ZNF695: variants seen among roughly 807,000 people sequenced by gnomAD.
ZNF695 encodes the protein zinc finger protein SBZF3.
A neutral mutation model predicts 11.2 loss-of-function variants in ZNF695; 11 were observed. The observed-to-expected ratio is 0.98, with a 90% CI of 0.62 to 1.62. The LOEUF (loss-of-function observed/expected upper bound fraction) is 1.62. Ranked by LOEUF, ZNF695 falls within the 40% of genes most tolerant of loss-of-function variation. The pLI is 0.00. For synonymous variants in ZNF695, 190 were observed against 201.4 expected, an observed-to-expected ratio of 0.94 and a Z score of 0.48; for missense variants, 559 against 590.5, an observed-to-expected ratio of 0.95 and a Z score of 0.55.
At chr1:246,969,652 AT>A (rs1474457797) in intron 4 of ZNF695, 11 of 151,958 alleles carry the variant, frequency 7.2e-5, no homozygotes, top group African/African-American at 2.7e-4. Flanking sequence ...TCACATTGTT[AT>A]AAAGAACTAC....
At chr1:246,988,379 C>T in intron 3 of ZNF695, 124 bp from the exon 4 acceptor site, 3 of 688,478 alleles carry the variant, frequency 4.4e-6, no homozygotes, top group Admixed American at 7.4e-5. Flanking sequence ...GCCCTTATTC[C>T]TTCATAGTCA....
chr1:247,000,432 G>C (rs1419319174), intron 1 of ZNF695, among the ~76,000 whole-genome samples: 1 of 151,736 alleles, frequency 6.6e-6, no homozygotes, highest in African/African-American at 2.4e-5. Context: ...TTGAAGCCAA[G>C]CTGCAGTGAG....
Position 246,986,807 on chromosome 1 carries a change from A to G in ZNF695, c.*160T>C, listed in dbSNP as rs1668862957. ...GAACCGGTCTATTTGTATTGTTCGTAGCCTAAACATTTTAGTGCACTCAAA... is the reference window on the plus strand; with the variant it reads ...GAACCGGTCTATTTGTATTGTTCGTGGCCTAAACATTTTAGTGCACTCAAA... On this transcript the variant is annotated 3_prime_UTR_variant, in exon 4 of 4. Coordinates refer to ENST00000339986, the MANE Select transcript of ZNF695 (RefSeq NM_020394.5). 7.1e-7 allele frequency: 1 copy of G among 1,402,570 alleles called. No individual in the cohort carries two copies. Among genetic ancestry groups the G allele is most frequent in the South Asian group, 1.8e-5 (1 of 55,722 alleles). 86.9% of individuals were successfully genotyped at this position (1,402,570 alleles called of 1,614,324 possible). A position where few individuals can be genotyped will look rare whatever the true frequency, so the allele number is the denominator to read the frequency against.
chr1:246,974,153 C>CAAACAAACAAAAAA (rs1432449588), intron 4 of ZNF695, among the ~76,000 whole-genome samples: 4 of 143,458 alleles, frequency 2.8e-5, no homozygotes, highest in Non-Finnish European at 6.0e-5. Flanking sequence ...AAAAAACAAA[C>CAAACAAACAAAAAA]AAACAAACAA....
intron 1 of ZNF695, among the ~76,000 whole-genome samples, chr1:247,005,815 T>A (rs898725228): frequency 2.0e-4 from 30 of 152,094 alleles, no homozygotes; most frequent in Admixed American, 2.0e-4. Context: ...ACAGAAAACA[T>A]CAAGGAAACT....
At chr1:247,007,321 C>G (rs1255661420) in intron 1 of ZNF695, among the ~76,000 whole-genome samples, 1 of 151,862 alleles carries the variant, frequency 6.6e-6, no homozygotes, top group Non-Finnish European at 1.5e-5. Context: ...ATGGTGAAAT[C>G]TCCGTTTCTA....
intron 4 of ZNF695, among the ~76,000 whole-genome samples, chr1:246,976,702 A>G (rs186948158): frequency 0.031 from 4,732 of 151,934 alleles, 240 homozygotes; most frequent in African/African-American, 0.1. Context: ...GCTGAGGCAG[A>G]AGAATGGCAT....
At chr1:246,966,882 G>A (rs1471498529) in intron 5 of ZNF695, 1 of 456,616 alleles carries the variant, frequency 2.2e-6, no homozygotes, top group Non-Finnish European at 4.4e-6. Context: ...GGAGTTATTG[G>A]AGGGTTTGAA....
chr1:246,977,556 G>T (rs905877628), intron 4 of ZNF695, among the ~76,000 whole-genome samples: 1 of 152,140 alleles, frequency 6.6e-6, no homozygotes, highest in Non-Finnish European at 1.5e-5. Context: ...CCGGCAAAAG[G>T]ATAAAGTTTT....
At chr1:247,004,677 A>G (rs1048103296) in intron 1 of ZNF695, among the ~76,000 whole-genome samples, 2 of 152,354 alleles carry the variant, frequency 1.3e-5, no homozygotes, top group South Asian at 4.1e-4. Flanking sequence ...TTCCACTTGA[A>G]AAAACCTAAA....
chr1:246,982,653 G>A (rs1000704799), downstream of ZNF695, among the ~76,000 whole-genome samples: 1 of 152,192 alleles, frequency 6.6e-6, no homozygotes, highest in African/African-American at 2.4e-5. Flanking sequence ...TCTGGCCCAT[G>A]GACAGTGCAT....
In ZNF695 at chr1:246,985,752, G is replaced by A. The variant is rs920421666; in HGVS notation, c.*1215C>T. 1 of 985,344 alleles carries A rather than the reference G, an allele frequency of 1.0e-6. No individual in the cohort carries two copies. The highest frequency in any genetic ancestry group is 1.2e-6 in the Non-Finnish European group (1 of 829,882). The allele number at this position is 985,344 out of a possible 1,614,324, so 61.0% of individuals were successfully genotyped here. On this transcript the variant is annotated 3_prime_UTR_variant, in exon 4 of 4. Coordinates refer to ENST00000339986, the MANE Select transcript of ZNF695 (RefSeq NM_020394.5). ...TCTTTCTTAAATATAATGCAGAATA[G>A]TACTCTGAAGACCTATCTCATGAAT...
Position 247,007,997 on chromosome 1 carries a change from G to T in ZNF695, c.-89C>A, listed in dbSNP as rs1246921671. Reference sequence around the variant, plus strand: ...GCGATGGAGCCTGCGGCAGTCACCCGGGACTCTCCGAGAGGCAGCAGACGG... The same window carrying T: ...GCGATGGAGCCTGCGGCAGTCACCCTGGACTCTCCGAGAGGCAGCAGACGG... On this transcript the variant is annotated 5_prime_UTR_variant, in exon 1 of 4. Coordinates refer to ENST00000339986, the MANE Select transcript of ZNF695 (RefSeq NM_020394.5). 1 of 1,373,058 alleles carries T rather than the reference G, an allele frequency of 7.3e-7. No individual in the cohort carries two copies. The allele number at this position is 1,373,058 out of a possible 1,614,324, so 85.1% of individuals were successfully genotyped here.
intron 3 of ZNF695, among the ~76,000 whole-genome samples, chr1:246,997,828 A>G (rs1669255014): frequency 6.6e-6 from 1 of 152,224 alleles, no homozygotes; most frequent in Non-Finnish European, 1.5e-5. Flanking sequence ...TGTTCTTCTC[A>G]CTCATATGAG....
Position 246,988,246 on chromosome 1 carries a change from G to A in ZNF695, c.269C>T (p.Ser90Phe). 1 of 1,552,322 alleles carries A rather than the reference G, an allele frequency of 6.4e-7. No homozygotes were observed. The highest frequency in any genetic ancestry group is 1.4e-5 in the African/African-American group (1 of 72,210). The change falls in exon 4 of 4, where the codon TCT becomes TTT. Residue 90 changes from serine (S) to phenylalanine (F), a missense_variant. By Grantham distance (155) the Ser-to-Phe change is radical (BLOSUM62 -2). Coordinates refer to ENST00000339986, the MANE Select transcript of ZNF695 (RefSeq NM_020394.5). ...EKTARHSVLS[S>F]YLTEDILPEQ... ...TGGCAAAATGTCTTCAGTAAGATAA[G>A]AAGACAAAACTGGAAAAAATAAAAA... is the stretch of plus-strand genomic sequence containing the variant.
intron 4 of ZNF695, among the ~76,000 whole-genome samples, chr1:246,971,684 T>C (rs1347341875): frequency 4.6e-5 from 7 of 152,220 alleles, no homozygotes; most frequent in African/African-American, 1.4e-4. Flanking sequence ...AAGATTATTA[T>C]AATATTGGAA....
At chr1:246,963,271 T>G (rs1436909559) in intron 5 of ZNF695, among the ~76,000 whole-genome samples, 2 of 152,154 alleles carry the variant, frequency 1.3e-5, no homozygotes, top group Non-Finnish European at 2.9e-5. Flanking sequence ...CTAATCTAGG[T>G]GCTGGGCATC....
Position 246,988,244 on chromosome 1 carries a change from A to C in ZNF695, c.271T>G (p.Tyr91Asp). The C allele has an allele frequency of 6.4e-7, 1 of 1,553,902 alleles. No homozygotes were observed. Among genetic ancestry groups the C allele is most frequent in the Non-Finnish European group, 8.7e-7 (1 of 1,155,298 alleles). The part of the protein sequence containing the change: ...KTARHSVLSS[Y>D]LTEDILPEQG... ...TCTGGCAAAATGTCTTCAGTAAGAT[A>C]AGAAGACAAAACTGGAAAAAATAAA... Residue 91 changes from tyrosine to aspartate, a missense_variant, in exon 4 of 4, where the codon TAT becomes GAT. Physicochemically the swap from Tyr to Asp is radical, Grantham distance 160 (BLOSUM62 -3). Coordinates refer to ENST00000339986, the MANE Select transcript of ZNF695 (RefSeq NM_020394.5).
chr1:246,998,024 A>G (rs1276452394), intron 3 of ZNF695, among the ~76,000 whole-genome samples: 1 of 152,248 alleles, frequency 6.6e-6, no homozygotes, highest in Non-Finnish European at 1.5e-5. Flanking sequence ...TTGCGTTAAC[A>G]CAGCAGACAA....
Sources: allele counts gnomAD v4.1 joint callset (sites outside exome capture counted in the v4.1 genomes callset), GRCh38; gene constraint gnomAD v4.1.1; transcripts MANE v1.5; gene names NCBI Gene and HGNC (gene_info 2026-07-23, HGNC 2026-07-21).